The following NCKAP5 variants were observed in gnomAD, a reference collection of about 807,000 sequenced individuals.
NCKAP5 encodes the protein NCK associated protein 5, also known as nck-associated protein 5.
Under a neutral mutation model 167.0 loss-of-function variants are expected in NCKAP5, and 92 were observed. That is an observed-to-expected ratio of 0.55 (90% confidence interval 0.47 to 0.66). NCKAP5 has a LOEUF of 0.66. Ranked by LOEUF, NCKAP5 falls within the 30% of genes least tolerant of loss-of-function variation. NCKAP5 has a pLI of 0.00. For missense variants in NCKAP5, 2,378 were observed against 2,315.0 expected, an observed-to-expected ratio of 1.03 and a Z score of -0.56; for synonymous variants, 891 against 877.4, an observed-to-expected ratio of 1.02 and a Z score of -0.27.
At chr2:132,833,235 G>A (rs1371677755) in intron 11 of NCKAP5, among the ~76,000 whole-genome samples, 6 of 152,032 alleles carry the variant, frequency 3.9e-5, no homozygotes, top group African/African-American at 1.4e-4. Context: ...TGTTGTTGCT[G>A]AATTGTTTGA....
intron 2 of NCKAP5, among the ~76,000 whole-genome samples, chr2:133,524,776 T>G (rs1401230597): frequency 6.6e-6 from 1 of 152,218 alleles, no homozygotes; most frequent in Non-Finnish European, 1.5e-5. Context: ...TTTAAACACG[T>G]ACCTACAGCA....
At chr2:132,958,117 C>G (rs534074273) in intron 8 of NCKAP5, among the ~76,000 whole-genome samples, 1 of 152,266 alleles carries the variant, frequency 6.6e-6, no homozygotes, top group South Asian at 2.1e-4. Context: ...CAGCCAAGGG[C>G]TCCCGCTAGT....
At chr2:132,920,068 T>C (rs1474353239) in intron 8 of NCKAP5, among the ~76,000 whole-genome samples, 2 of 152,190 alleles carry the variant, frequency 1.3e-5, no homozygotes, top group Non-Finnish European at 2.9e-5. Flanking sequence ...CATACCTACA[T>C]TGCCCAGCTG....
At chr2:132,768,552 A>AT (rs1339142404) in intron 16 of NCKAP5, among the ~76,000 whole-genome samples, 1 of 152,056 alleles carries the variant, frequency 6.6e-6, no homozygotes, top group African/African-American at 2.4e-5. Context: ...TATGGGGGCA[A>AT]TTTTAAAGAA....
chr2:132,860,994 T>C (rs1165991833), intron 10 of NCKAP5, among the ~76,000 whole-genome samples: 2 of 152,110 alleles, frequency 1.3e-5, no homozygotes, highest in Admixed American at 1.3e-4. Context: ...CTGCAGGGAA[T>C]AGAGATTTGA....
intron 6 of NCKAP5, among the ~76,000 whole-genome samples, chr2:133,077,164 C>G (rs1446877790): frequency 6.6e-6 from 1 of 152,062 alleles, no homozygotes; most frequent in Non-Finnish European, 1.5e-5. Flanking sequence ...AAACTAGAAC[C>G]ATGTTTGTAA....
At position 133,349,581 on chromosome 2, in the gene NCKAP5, G is replaced by T. The variant is rs372849847; in HGVS notation, c.70-46471C>A. On this transcript the variant is annotated intron_variant, in intron 3 of 19. Coordinates refer to ENST00000409261, the MANE Select transcript of NCKAP5 (RefSeq NM_207363.3). ...TCTCCTTCCCTAGCACTGTGAGTTG[G>T]TGCCATTAGCTTGTCATGCTTGTTT... Among the ~76,000 whole-genome samples the T allele has an allele frequency of 9.2e-5, 14 of 152,320 alleles. No homozygotes were observed. The East Asian group carries it at 9.6e-4, about 10-fold the overall frequency.
intron 11 of NCKAP5, among the ~76,000 whole-genome samples, chr2:132,804,573 C>A (rs1192579358): frequency 1.3e-5 from 2 of 151,816 alleles, no homozygotes; most frequent in African/African-American, 2.4e-5. Flanking sequence ...GAAAAAAAAA[C>A]CCAAAACTTG....
chr2:132,714,549 G>A (rs1477374619), intron 19 of NCKAP5, among the ~76,000 whole-genome samples: 1 of 152,112 alleles, frequency 6.6e-6, no homozygotes, highest in Non-Finnish European at 1.5e-5. Flanking sequence ...CAGGCACAGT[G>A]GCTCATGCCT....
At chr2:133,290,218 A>G (rs183235973) in intron 4 of NCKAP5, among the ~76,000 whole-genome samples, 84 of 152,286 alleles carry the variant, frequency 5.5e-4, no homozygotes, top group South Asian at 1.5e-3. Flanking sequence ...ACATGTCTAC[A>G]ATTGTTCTCT....
At chr2:133,258,925 A>T (rs1040493805) in intron 4 of NCKAP5, among the ~76,000 whole-genome samples, 3 of 152,146 alleles carry the variant, frequency 2.0e-5, no homozygotes, top group Non-Finnish European at 2.9e-5. Context: ...TAACAGTTCT[A>T]CAATATCCAA....
intron 6 of NCKAP5, among the ~76,000 whole-genome samples, chr2:133,017,695 T>C (rs1573754462): frequency 6.6e-6 from 1 of 152,216 alleles, no homozygotes; most frequent in African/African-American, 2.4e-5. Context: ...ATGCATGCCT[T>C]GGGACTTTTC....
the NCKAP5 span, among the ~76,000 whole-genome samples, chr2:133,602,394 G>A: frequency 1.3e-5 from 2 of 152,204 alleles, no homozygotes; most frequent in Non-Finnish European, 2.9e-5. Context: ...AAGAGGCTGG[G>A]GAGCTGAGGC....
chr2:133,074,940 G>C (rs969844231), intron 6 of NCKAP5, among the ~76,000 whole-genome samples: 1 of 152,034 alleles, frequency 6.6e-6, no homozygotes, highest in Non-Finnish European at 1.5e-5. Flanking sequence ...AGAAATGATA[G>C]CCGAATACCT....
intron 5 of NCKAP5, among the ~76,000 whole-genome samples, chr2:133,203,600 C>T (rs1373679903): frequency 6.6e-6 from 1 of 151,956 alleles, no homozygotes; most frequent in African/African-American, 2.4e-5. Context: ...TGGAACAAAC[C>T]AGTATAAAAT....
At chr2:133,116,753 T>A (rs1351259784) in intron 6 of NCKAP5, among the ~76,000 whole-genome samples, 1 of 152,216 alleles carries the variant, frequency 6.6e-6, no homozygotes, top group Admixed American at 6.5e-5. Flanking sequence ...CAGACCTGAC[T>A]TAAATCCTGA....
At chr2:133,421,319 TC>T (rs1435281554) in intron 3 of NCKAP5, among the ~76,000 whole-genome samples, 1 of 152,178 alleles carries the variant, frequency 6.6e-6, no homozygotes, top group African/African-American at 2.4e-5. Context: ...GCCTCCTAAT[TC>T]TTTTGTTACA....
chr2:133,416,927 C>G (rs1388711352), intron 3 of NCKAP5, among the ~76,000 whole-genome samples: 1 of 152,078 alleles, frequency 6.6e-6, no homozygotes, highest in Non-Finnish European at 1.5e-5. Flanking sequence ...AACTCCTTTC[C>G]CTGCCAAACA....
Position 133,018,353 on chromosome 2 carries a change from T to TATTAGTACTTAGTAGTAA in NCKAP5, c.342-24115_342-24114insTTACTACTAAGTACTAAT, listed in dbSNP as rs2078416790. 3.3e-5 allele frequency among the ~76,000 whole-genome samples: 5 copies of TATTAGTACTTAGTAGTAA among 152,316 alleles called. No homozygotes were observed. In the South Asian group the frequency reaches 1.0e-3, roughly 32 times the overall value. ...GACCCACCAGAATACTGACATACTGTCTACTAAGGAGTTACCCTCCCCAAG... is the reference window on the plus strand; with the variant it reads ...GACCCACCAGAATACTGACATACTGTATTAGTACTTAGTAGTAACTACTAAGGAGTTACCCTCCCCAAG... On this transcript the variant is annotated intron_variant, in intron 6 of 19. Transcript: ENST00000409261.
Sources: gnomAD v4.1 joint callset for allele counts (sites outside exome capture counted in the v4.1 genomes callset) on GRCh38, gnomAD v4.1.1 for gene constraint, MANE v1.5 for transcripts, NCBI Gene and HGNC (gene_info 2026-07-23, HGNC 2026-07-21) for gene names.